PTCH1: variants seen among roughly 807,000 people sequenced by gnomAD.
PTCH1 encodes protein patched homolog 1.
A neutral mutation model predicts 144.6 loss-of-function variants in PTCH1; 14 were observed. The observed-to-expected ratio is 0.10, with a 90% CI of 0.06 to 0.15. The LOEUF (loss-of-function observed/expected upper bound fraction) is 0.15. PTCH1 is among the 10% of genes least tolerant of loss of function. PTCH1 has a pLI of 1.00. For synonymous variants in PTCH1, 833 were observed against 793.6 expected, an observed-to-expected ratio of 1.05 and a Z score of -0.83; for missense variants, 1,623 against 1,948.3, an observed-to-expected ratio of 0.83 and a Z score of 3.14.
At chr9:95,446,770 G>A (rs1837933275) in intron 23 of PTCH1, 141 bp downstream of exon 23, 3 of 1,091,872 alleles carry the variant, frequency 2.7e-6, no homozygotes, top group Admixed American at 1.9e-5. Context: ...CCTTGCTCTG[G>A]GGATAAAAGG....
chr9:95,507,940 C>T lies in PTCH1; in HGVS notation c.201+221G>A, dbSNP rs914573056. On this transcript the variant is annotated intron_variant, in intron 1 of 23. Transcript: ENST00000331920. ...CACACGCACACACACACACCTCCAC[C>T]CCCTGCGGACCTCAGACAGCCCTTT... 1.8e-5 allele frequency: 26 copies of T among 1,450,892 alleles called. No homozygotes were observed. The Admixed American group carries it at 3.6e-4, about 20-fold the overall frequency. The allele number at this position is 1,450,892 out of a possible 1,614,324, so 89.9% of individuals were successfully genotyped here. A position where few individuals can be genotyped will look rare whatever the true frequency, so the allele number is the denominator to read the frequency against.
At position 95,443,411 on chromosome 9, in the gene PTCH1, TAACC is replaced by T. The variant is rs1278691788; in HGVS notation, c.*2978_*2981del. ...AAAAAGCATTCTACAAACAAAGATATAACCAACAAGTTATATTATTTTTTATTCA... is the reference window on the plus strand; with the variant it reads ...AAAAAGCATTCTACAAACAAAGATATAACAAGTTATATTATTTTTTATTCA... On this transcript the variant is annotated 3_prime_UTR_variant, in exon 24 of 24. Transcript: ENST00000331920. The T allele has an allele frequency of 6.6e-6, 1 of 152,652 alleles. No homozygotes were observed. Among genetic ancestry groups the T allele is most frequent in the Non-Finnish European group, 1.5e-5 (1 of 68,036 alleles). The allele number at this position is 152,652 out of a possible 1,614,324, so 9.5% of individuals were successfully genotyped here.
upstream of PTCH1, among the ~76,000 whole-genome samples, chr9:95,510,545 C>T (rs116903092): frequency 5.9e-4 from 90 of 151,940 alleles, no homozygotes; most frequent in East Asian, 8.7e-3. Flanking sequence ...ATGTGTTTTT[C>T]TTACGTTTCC....
Position 95,453,903 on chromosome 9 carries a change from C to T in PTCH1, c.3307-283G>A, listed in dbSNP as rs141901521. Among the ~76,000 whole-genome samples the T allele has an allele frequency of 1.2e-3, 177 of 152,270 alleles. 1 individual carries two copies. In the South Asian group the frequency reaches 0.014, roughly 12 times the overall value. On this transcript the variant is annotated intron_variant, in intron 19 of 23. Transcript: ENST00000331920. ...GTCCCCTTCTTTTCACTGATACTCACCCCGAAGTTTCCCCCCTCCTTAAAT... is the reference window on the plus strand; with the variant it reads ...GTCCCCTTCTTTTCACTGATACTCATCCCGAAGTTTCCCCCCTCCTTAAAT...
chr9:95,464,658 T>C, intron 15 of PTCH1, among the ~76,000 whole-genome samples: 1 of 152,306 alleles, frequency 6.6e-6, no homozygotes, highest in South Asian at 2.1e-4. Flanking sequence ...ACATGTGGGA[T>C]AGTTTTGAAA....
intron 15 of PTCH1, among the ~76,000 whole-genome samples, chr9:95,466,799 C>T (rs1219354725): frequency 6.6e-6 from 1 of 152,186 alleles, no homozygotes; most frequent in African/African-American, 2.4e-5. Context: ...ACCAAACTAG[C>T]CACCGTCTAT....
intron 3 of PTCH1, 187 bp from the exon 4 acceptor site, chr9:95,482,390 C>G (rs374876062): frequency 3.2e-6 from 2 of 616,756 alleles, no homozygotes; most frequent in Admixed American, 5.8e-5. Flanking sequence ...AATACTCAAT[C>G]GTAATTAACA....
At chr9:95,489,611 CA>C (rs1004484059) in intron 2 of PTCH1, among the ~76,000 whole-genome samples, 1 of 152,158 alleles carries the variant, frequency 6.6e-6, no homozygotes, top group African/African-American at 2.4e-5. Context: ...CTTGGCCTCC[CA>C]AAGTGCTGGG....
At chr9:95,480,126 T>G (rs1841415709) in intron 6 of PTCH1, 36 bp from the exon 7 acceptor site, 1 of 1,613,136 alleles carries the variant, frequency 6.2e-7, no homozygotes, top group Admixed American at 1.7e-5. Context: ...TTATGGGAAT[T>G]AGTAGGCAGG....
chr9:95,473,047 C>T (rs760652985), intron 12 of PTCH1, among the ~76,000 whole-genome samples: 2 of 152,180 alleles, frequency 1.3e-5, no homozygotes, highest in African/African-American at 4.8e-5. Flanking sequence ...CTAGACCAGA[C>T]AGAACAACAA....
rs768739951 is a variant in PTCH1, at chr9:95,478,921, A to C, written c.1215+79T>G. 11 of 1,601,266 alleles carry C rather than the reference A, an allele frequency of 6.9e-6. No homozygotes were observed. The Admixed American group carries it at 1.9e-4, about 27-fold the overall frequency. On this transcript the variant is annotated intron_variant, in intron 8 of 23. Coordinates refer to ENST00000331920, the MANE Select transcript of PTCH1 (RefSeq NM_000264.5). Reference sequence around the variant, plus strand: ...ATGTTTTGAAAATAAAGCGAATGGAAAGAAATGTTTTAAATAATGGTGAAA... The same window carrying C: ...ATGTTTTGAAAATAAAGCGAATGGACAGAAATGTTTTAAATAATGGTGAAA...
chr9:95,477,446 C>T, intron 10 of PTCH1, 101 bp downstream of exon 10: 5 of 1,514,516 alleles, frequency 3.3e-6, no homozygotes, highest in Non-Finnish European at 4.6e-6. Flanking sequence ...CAAGACCCTT[C>T]CGGTGAGAAG....
chr9:95,515,297 G>A (rs1844314276), intron 1 of PTCH1, among the ~76,000 whole-genome samples: 1 of 152,150 alleles, frequency 6.6e-6, no homozygotes, highest in Non-Finnish European at 1.5e-5. Context: ...CAAATATTTA[G>A]AGCCACCCAT....
chr9:95,447,320 C>A lies in PTCH1; in HGVS notation c.3936G>T (p.Trp1312Cys), dbSNP rs1360926879. The stretch of plus-strand genomic sequence containing the variant: ...CTCTGCGCGGTCTGTAGGGGGGTGG[C>A]CACAAGCCTTCTCTGGGGGGGTCCC... The part of the protein sequence containing the change: ...PRRDPPREGL[W>C]PPPYRPRRDA... Residue 1312 changes from tryptophan to cysteine, a missense_variant, in exon 23 of 24, where the codon TGG becomes TGT. Trp to Cys is a radical substitution (Grantham distance 215). This residue lies in a region of PTCH1 where 291 missense variants were observed against 287.4 expected (regional missense o/e 1.01). Coordinates refer to ENST00000331920, the MANE Select transcript of PTCH1 (RefSeq NM_000264.5). 1 of 1,613,286 alleles carries A rather than the reference C, an allele frequency of 6.2e-7. No individual in the cohort carries two copies. Among genetic ancestry groups the A allele is most frequent in the African/African-American group, 1.3e-5 (1 of 75,048 alleles).
intron 2 of PTCH1, among the ~76,000 whole-genome samples, chr9:95,491,737 T>A (rs1327485130): frequency 2.0e-5 from 3 of 152,194 alleles, no homozygotes; most frequent in Non-Finnish European, 4.4e-5. Flanking sequence ...ACTAGACAGG[T>A]TGAGCATCCC....
At chr9:95,462,025 A>G (rs778803517) in intron 15 of PTCH1, 27 bp from the exon 16 acceptor site, 7 of 1,614,120 alleles carry the variant, frequency 4.3e-6, no homozygotes, top group East Asian at 2.2e-5. Context: ...ATTGTAACAC[A>G]TTATAACTCG....
chr9:95,446,965 C>T lies in PTCH1; in HGVS notation c.4291G>A (p.Glu1431Lys), dbSNP rs766876016. The T allele has an allele frequency of 3.1e-6, 5 of 1,614,108 alleles. No homozygotes were observed. The highest frequency in any genetic ancestry group is 3.4e-6 in the Non-Finnish European group (4 of 1,180,042). Residue 1431 changes from glutamate to lysine, a missense_variant, in exon 23 of 24, where the codon GAG (glutamate) becomes AAG (lysine). By Grantham distance (56) the Glu-to-Lys change is moderately conservative. Transcript: ENST00000331920. ...ERRDSKVEVIELQDVECEERP... is the reference protein window; with the variant it reads ...ERRDSKVEVIKLQDVECEERP... ...TCCTCGCATTCCACGTCCTGCAGCT[C>T]AATGACTTCCACCTTCGAATCCCTC...
At chr9:95,454,589 A>AC (rs1458502562) in intron 19 of PTCH1, among the ~76,000 whole-genome samples, 10 of 152,228 alleles carry the variant, frequency 6.6e-5, no homozygotes, top group South Asian at 2.1e-4. Flanking sequence ...GGGGCAAGGC[A>AC]CCAAAGGGGT....
At chr9:95,454,042 C>T (rs1838701612) in intron 19 of PTCH1, among the ~76,000 whole-genome samples, 1 of 152,208 alleles carries the variant, frequency 6.6e-6, no homozygotes, top group South Asian at 2.1e-4. Flanking sequence ...GTGCTACACA[C>T]ACTTCCTCAC....
Sources: gnomAD v4.1 joint callset for allele counts (sites outside exome capture counted in the v4.1 genomes callset) on GRCh38, gnomAD v4.1.1 for gene constraint, gnomAD v4.1.1 regional missense constraint, MANE v1.5 for transcripts, NCBI Gene and HGNC (gene_info 2026-07-23, HGNC 2026-07-21) for gene names.